GBP5: variants seen among roughly 807,000 people sequenced by gnomAD.
GBP5 encodes the protein guanylate-binding protein 5.
Under a neutral mutation model 58.2 loss-of-function variants are expected in GBP5, and 48 were observed. The observed-to-expected ratio is 0.83, with a 90% CI of 0.65 to 1.05. The LOEUF (loss-of-function observed/expected upper bound fraction) is 1.05. Among genes scored for constraint, GBP5 ranks in the 50% least tolerant of loss-of-function variants. The probability of loss-of-function intolerance (pLI) is 0.00; values close to 1 mark genes in which losing one functional copy is unlikely to be tolerated. For missense variants in GBP5, 714 were observed against 686.8 expected, an observed-to-expected ratio of 1.04 and a Z score of -0.44; for synonymous variants, 248 against 251.8, an observed-to-expected ratio of 0.98 and a Z score of 0.14.
rs1017933035 is a variant in GBP5, at chr1:89,270,763, T to C, written c.-28A>G. On this transcript the variant is annotated 5_prime_UTR_variant, in exon 2 of 12. Coordinates refer to ENST00000370459, the MANE Select transcript of GBP5 (RefSeq NM_052942.5). ...CAATGTAGTATTAGTACCTTATATA[T>C]GTAGAATTCTGGTTGCCTGATTTGT... is the stretch of plus-strand genomic sequence containing the variant. 1.3e-5 allele frequency: 2 copies of C among 152,196 alleles called. No homozygotes were observed. Among genetic ancestry groups the C allele is most frequent in the African/African-American group, 4.8e-5 (2 of 41,456 alleles). 9.4% of individuals were successfully genotyped at this position (152,196 alleles called of 1,614,324 possible). A position where few individuals can be genotyped will look rare whatever the true frequency, so the allele number is the denominator to read the frequency against.
intron 8 of GBP5, 90 bp downstream of exon 8, chr1:89,264,596 T>C (rs1244063663): frequency 3.5e-6 from 4 of 1,158,948 alleles, no homozygotes; most frequent in Admixed American, 2.2e-5. Context: ...ATCTAGTATT[T>C]TTTTTCTTAG....
chr1:89,261,483 G>A (rs1230469978), intron 11 of GBP5, among the ~76,000 whole-genome samples: 3 of 152,158 alleles, frequency 2.0e-5, no homozygotes, highest in Non-Finnish European at 4.4e-5. Flanking sequence ...CCACTCATTT[G>A]GAAGGCAGTT....
chr1:89,263,056 A>T lies in GBP5; in HGVS notation c.1363-271T>A, dbSNP rs144341165. The T allele has an allele frequency of 4.4e-3, 1,251 of 286,774 alleles. 7 individuals are homozygous for T. The highest frequency in any genetic ancestry group is 4.6e-3 in the Non-Finnish European group (705 of 154,306). The allele number at this position is 286,774 out of a possible 1,614,324, so 17.8% of individuals were successfully genotyped here. ...CAGTCAGAGCATGCAAGTCCACTAG[A>T]TGCAAAGGACTTGTTCACAGGGAGA... On this transcript the variant is annotated intron_variant, in intron 9 of 11. Transcript: ENST00000370459.
At position 89,259,113 on chromosome 1, in the gene GBP5, T is replaced by C. The variant is rs1282740245; in HGVS notation, c.*1591A>G. ...TAAGCAAGCATTAAATTAAATGCAC[T>C]CAGATTTTTGGCACATTATATGGCA... On this transcript the variant is annotated 3_prime_UTR_variant, in exon 12 of 12. Transcript: ENST00000370459. The C allele has an allele frequency of 6.6e-6, 1 of 152,192 alleles. No homozygotes were observed. Among genetic ancestry groups the C allele is most frequent in the Non-Finnish European group, 1.5e-5 (1 of 68,014 alleles). The allele number at this position is 152,192 out of a possible 1,614,324, so 9.4% of individuals were successfully genotyped here.
In GBP5 at chr1:89,268,717, ATCCTTCC is replaced by A; in HGVS notation, c.318+5_318+11del. Reference sequence around the variant, plus strand: ...AGAGATTAGGAGGTTAAAAAAAGGAATCCTTCCTTACCTTCTCTACATCTCCCAGGCC... The same window carrying A: ...AGAGATTAGGAGGTTAAAAAAAGGAATTACCTTCTCTACATCTCCCAGGCC... On this transcript the variant is annotated splice_donor_5th_base_variant and intron_variant, in intron 4 of 11. Coordinates refer to ENST00000370459, the MANE Select transcript of GBP5 (RefSeq NM_052942.5). The A allele has an allele frequency of 6.2e-7, 1 of 1,613,656 alleles. No individual in the cohort carries two copies. Among genetic ancestry groups the A allele is most frequent in the Admixed American group, 1.7e-5 (1 of 59,988 alleles).
Position 89,257,925 on chromosome 1 carries a change from G to A in GBP5, c.*2779C>T, listed in dbSNP as rs558472716. Among the ~76,000 whole-genome samples the A allele has an allele frequency of 2.0e-5, 3 of 152,294 alleles. No individual in the cohort carries two copies. In the East Asian group the frequency reaches 5.8e-4, roughly 29 times the overall value. The stretch of plus-strand genomic sequence containing the variant: ...CATTCCATCTGCAGGCTCTAGGGGA[G>A]AATCTATTGCTTTGCTTTTCATTAC... On this transcript the variant is annotated 3_prime_UTR_variant, in exon 12 of 12. Transcript: ENST00000370459.
Position 89,262,262 on chromosome 1 carries a change from A to T in GBP5, c.1605T>A (p.Asn535Lys). 6.2e-7 allele frequency: 1 copy of T among 1,614,096 alleles called. No homozygotes were observed. Among genetic ancestry groups the T allele is most frequent in the East Asian group, 2.2e-5 (1 of 44,878 alleles). Residue 535 changes from asparagine (N) to lysine (K), a missense_variant, in exon 11 of 12, where the codon AAT becomes AAA. Coordinates refer to ENST00000370459, the MANE Select transcript of GBP5 (RefSeq NM_052942.5). ...QVRQMEIAKQ[N>K]WLAEQQKMQE... ...GCATTTTCTGTTGCTCTGCCAGCCA[A>T]TTTTGTTTGGCTATCTCCATTTGTC...
At chr1:89,265,135 G>A (rs1650161383) in intron 7 of GBP5, among the ~76,000 whole-genome samples, 169 bp from the exon 8 acceptor site, 1 of 152,186 alleles carries the variant, frequency 6.6e-6, no homozygotes, top group South Asian at 2.1e-4. Context: ...GTGCTATCAG[G>A]AAGCCAAGTG....
Position 89,257,240 on chromosome 1 carries a change from C to T in GBP5, c.*3464G>A, listed in dbSNP as rs1203597945. 6.6e-6 allele frequency among the ~76,000 whole-genome samples: 1 copy of T among 152,184 alleles called. No individual in the cohort carries two copies. The highest frequency in any genetic ancestry group is 1.5e-5 in the Non-Finnish European group (1 of 68,034). On this transcript the variant is annotated 3_prime_UTR_variant, in exon 12 of 12. Coordinates refer to ENST00000370459, the MANE Select transcript of GBP5 (RefSeq NM_052942.5). ...AGATGAAAGAGGAACAAAGGCACAT[C>T]TTACATGGTGTCAGGCAAGAGAGCA...
chr1:89,272,644 C>T lies in GBP5; in HGVS notation c.-320G>A, dbSNP rs1316826430. ...GCTCAGGAGTGAAGCTGCAGACCTT[C>T]GCGGTGAGTGTTACAGCTCTTAAGG... On this transcript the variant is annotated 5_prime_UTR_variant, in exon 1 of 12. Coordinates refer to ENST00000370459, the MANE Select transcript of GBP5 (RefSeq NM_052942.5). 3 of 154,716 alleles carry T rather than the reference C, an allele frequency of 1.9e-5. No homozygotes were observed. The highest frequency in any genetic ancestry group is 6.4e-3 in the Middle Eastern group (2 of 312). 9.6% of individuals were successfully genotyped at this position (154,716 alleles called of 1,614,324 possible). A position where few individuals can be genotyped will look rare whatever the true frequency, so the allele number is the denominator to read the frequency against.
chr1:89,261,386 G>A (rs571590691), intron 11 of GBP5, among the ~76,000 whole-genome samples: 1 of 152,158 alleles, frequency 6.6e-6, no homozygotes, highest in Non-Finnish European at 1.5e-5. Flanking sequence ...GCAAGCCAAG[G>A]GGAAGAATTA....
At position 89,258,374 on chromosome 1, in the gene GBP5, G is replaced by T. The variant is rs12354220; in HGVS notation, c.*2330C>A. 5.8e-3 allele frequency among the ~76,000 whole-genome samples: 890 copies of T among 152,246 alleles called. 13 individuals carry two copies. Among genetic ancestry groups the T allele is most frequent in the African/African-American group, 0.021 (861 of 41,550 alleles). On this transcript the variant is annotated 3_prime_UTR_variant, in exon 12 of 12. Coordinates refer to ENST00000370459, the MANE Select transcript of GBP5 (RefSeq NM_052942.5). ...TAAAGATATCAATATTTAATTTGGA[G>T]ATAGAGCTATTCTTTTTACTGATAA...
At chr1:89,265,643 G>A (rs991449818) in intron 7 of GBP5, among the ~76,000 whole-genome samples, 1 of 149,216 alleles carries the variant, frequency 6.7e-6, no homozygotes, top group Non-Finnish European at 1.5e-5. Context: ...CAGGAAAATG[G>A]TGAGAACCCA....
In GBP5 at chr1:89,259,684, G is replaced by T. The variant is rs1308562123; in HGVS notation, c.*1020C>A. ...TTTCGTCCAAAAGGTCGCCCCCACC[G>T]CAAGTTCCCAGAACTTAGGTGCCAC... On this transcript the variant is annotated 3_prime_UTR_variant, in exon 12 of 12. Coordinates refer to ENST00000370459, the MANE Select transcript of GBP5 (RefSeq NM_052942.5). The T allele has an allele frequency of 2.0e-5, 3 of 150,964 alleles. No individual in the cohort carries two copies. The highest frequency in any genetic ancestry group is 7.3e-5 in the African/African-American group (3 of 40,888). 9.4% of individuals were successfully genotyped at this position (150,964 alleles called of 1,614,324 possible).
At chr1:89,268,908 G>T in intron 3 of GBP5, 52 bp from the exon 4 acceptor site, 1 of 1,582,536 alleles carries the variant, frequency 6.3e-7, no homozygotes, top group Non-Finnish European at 8.6e-7. Context: ...GGAAATTGGG[G>T]ATTTGCTTGA....
Position 89,269,505 on chromosome 1 carries a change from A to G in GBP5, c.51T>C (p.Phe17=). 1 of 1,614,022 alleles carries G rather than the reference A, an allele frequency of 6.2e-7. No homozygotes were observed. The highest frequency in any genetic ancestry group is 8.5e-7 in the Non-Finnish European group (1 of 1,179,902). ...MSDPMCLIEN[F]NEQLKVNQEA... ...CCTGATTAACCTTCAGCTGCTCATT[A>G]AAGTTCTCGATGAGGCACATGGGGT... is the stretch of plus-strand genomic sequence containing the variant. Residue 17 remains phenylalanine (F), a synonymous_variant, in exon 3 of 12, where the codon TTT becomes TTC. Coordinates refer to ENST00000370459, the MANE Select transcript of GBP5 (RefSeq NM_052942.5).
intron 4 of GBP5, among the ~76,000 whole-genome samples, chr1:89,267,847 G>A (rs892504974): frequency 2.6e-5 from 4 of 152,110 alleles, no homozygotes; most frequent in African/African-American, 9.7e-5. Context: ...TGAATAACCA[G>A]TATCAATAAT....
intron 3 of GBP5, 59 bp from the exon 4 acceptor site, chr1:89,268,915 T>G (rs1483672803): frequency 3.8e-6 from 6 of 1,570,508 alleles, no homozygotes; most frequent in African/African-American, 1.4e-5. Context: ...GGGGATTTGC[T>G]TGATCATTCA....
chr1:89,263,531 C>T, intron 9 of GBP5: 2 of 493,472 alleles, frequency 4.1e-6, no homozygotes, highest in East Asian at 3.1e-5. Context: ...AACCCCACTG[C>T]TACCATTAGA....
Sources: gnomAD v4.1 joint callset for allele counts (sites outside exome capture counted in the v4.1 genomes callset) on GRCh38, gnomAD v4.1.1 for gene constraint, MANE v1.5 for transcripts, NCBI Gene and HGNC (gene_info 2026-07-23, HGNC 2026-07-21) for gene names.